The following AKT2 variants were observed in gnomAD, a reference collection of about 807,000 sequenced individuals.
AKT2 encodes the protein AKT serine/threonine kinase 2, also known as RAC-beta serine/threonine-protein kinase.
Under a neutral mutation model 58.6 loss-of-function variants are expected in AKT2, and 16 were observed. The ratio of observed to expected loss-of-function variants is 0.27; its 90% CI spans 0.18 to 0.41. The LOEUF (loss-of-function observed/expected upper bound fraction) is 0.41, where lower values mean the gene tolerates loss of function less well. AKT2 is among the 10% of genes least tolerant of loss of function. The pLI is 1.00. For synonymous variants in AKT2, 253 were observed against 254.0 expected, an observed-to-expected ratio of 1.00 and a Z score of 0.04; for missense variants, 438 against 661.0, an observed-to-expected ratio of 0.66 and a Z score of 3.70.
chr19:40,255,411 G>A, intron 3 of AKT2, 142 bp from the exon 4 acceptor site: 1 of 647,630 alleles, frequency 1.5e-6, no homozygotes, highest in East Asian at 2.7e-5. Context: ...GACAGCCCTG[G>A]TCCTGTTCTC....
At position 40,275,745 on chromosome 19, in the gene AKT2, T is replaced by C. The variant is rs1012685368; in HGVS notation, c.-85+9436A>G. 4.4e-5 allele frequency among the ~76,000 whole-genome samples: 4 copies of C among 90,650 alleles called. No individual in the cohort carries two copies. The East Asian group carries it at 1.3e-3, about 30-fold the overall frequency. The allele number at this position is 90,650 out of a possible 152,430, so 59.5% of individuals were successfully genotyped here. A position where few individuals can be genotyped will look rare whatever the true frequency, so the allele number is the denominator to read the frequency against. ...CGGGCACGATGACTCACGCCTGTAA[T>C]CCCAGCACTTTGGGAGGCTGGGGGG... On this transcript the variant is annotated intron_variant, in intron 1 of 13. Transcript: ENST00000392038.
chr19:40,239,254 T>C (rs1406347258), intron 7 of AKT2: 1 of 393,154 alleles, frequency 2.5e-6, no homozygotes, highest in Admixed American at 4.1e-5. Context: ...TGAGCAACCA[T>C]GGCTCTTGTT....
chr19:40,255,105 T>A, intron 4 of AKT2, 53 bp downstream of exon 4: 3 of 1,405,646 alleles, frequency 2.1e-6, no homozygotes, highest in Non-Finnish European at 2.0e-6. Flanking sequence ...CCTTTTCTCC[T>A]CACACCAGGC....
intron 1 of AKT2, among the ~76,000 whole-genome samples, chr19:40,273,251 G>T (rs2077248270): frequency 6.6e-6 from 1 of 151,428 alleles, no homozygotes; most frequent in Non-Finnish European, 1.5e-5. Context: ...TGAGGCAGGA[G>T]AATTGCTTGG....
At position 40,242,804 on chromosome 19, in the gene AKT2, A is replaced by C; in HGVS notation, c.288-117T>G. ...CAGGCAAGCAAATGACCACATAACC[A>C]TGGGAATTTGGGCAAGATCTGTCAG... On this transcript the variant is annotated intron_variant, in intron 4 of 13. Transcript: ENST00000392038. The surrounding 1 kb of genome is among the most constrained non-coding windows in gnomAD (Gnocchi z 4.3). 1 of 1,198,162 alleles carries C rather than the reference A, an allele frequency of 8.3e-7. No homozygotes were observed. Among genetic ancestry groups the C allele is most frequent in the Non-Finnish European group, 1.2e-6 (1 of 840,696 alleles). The allele number at this position is 1,198,162 out of a possible 1,614,324, so 74.2% of individuals were successfully genotyped here.
intron 4 of AKT2, among the ~76,000 whole-genome samples, chr19:40,246,748 A>G (rs1285135858): frequency 6.6e-6 from 1 of 152,230 alleles, no homozygotes; most frequent in Non-Finnish European, 1.5e-5. Context: ...CCACCAGCCC[A>G]GAAGCAGCTC....
At chr19:40,255,056 C>T in intron 4 of AKT2, 102 bp downstream of exon 4, 2 of 944,720 alleles carry the variant, frequency 2.1e-6, no homozygotes, top group African/African-American at 1.6e-5. Context: ...AGATAGGAAA[C>T]CCCTATGTAG....
At chr19:40,285,018 C>T in intron 1 of AKT2, 163 bp downstream of exon 1, 1 of 380,372 alleles carries the variant, frequency 2.6e-6, no homozygotes, top group East Asian at 3.8e-5. Context: ...AGGCTGGTCC[C>T]ACCGCCCCCG....
In AKT2 at chr19:40,242,127, A is replaced by C; in HGVS notation, c.442-58T>G. The C allele has an allele frequency of 6.2e-7, 1 of 1,609,744 alleles. No homozygotes were observed. The highest frequency in any genetic ancestry group is 8.5e-7 in the Non-Finnish European group (1 of 1,177,822). On this transcript the variant is annotated intron_variant, in intron 5 of 13. Transcript: ENST00000392038. This position sits in a 1 kb window ranked among gnomAD's most constrained non-coding sequence, Gnocchi z 4.3. ...CGCCTGGCTCATGGCCCGTGGGAGG[A>C]AATTTTAACAAAAGAAAGAGGAAAA... is the stretch of plus-strand genomic sequence containing the variant.
intron 1 of AKT2, among the ~76,000 whole-genome samples, chr19:40,273,214 A>G (rs2077247522): frequency 6.6e-6 from 1 of 151,892 alleles, no homozygotes. Flanking sequence ...GGTGGCAGGC[A>G]CCTGTAATTC....
At position 40,233,023 on chromosome 19, in the gene AKT2, G is replaced by C. The variant is rs961935748; in HGVS notation, c.*849C>G. 1.2e-5 allele frequency: 2 copies of C among 171,862 alleles called. No homozygotes were observed. Among genetic ancestry groups the C allele is most frequent in the South Asian group, 4.6e-4 (2 of 4,314 alleles). 10.6% of individuals were successfully genotyped at this position (171,862 alleles called of 1,614,324 possible). On this transcript the variant is annotated 3_prime_UTR_variant, in exon 14 of 14. Coordinates refer to ENST00000392038, the MANE Select transcript of AKT2 (RefSeq NM_001626.6). This position sits in a 1 kb window ranked among gnomAD's most constrained non-coding sequence, Gnocchi z 4.3. Reference sequence around the variant, plus strand: ...CCAAGGCTGGTGGCCCTCCACCCCCGCAGAGGAGAGGGTGAGCCCAGCCCA... The same window carrying C: ...CCAAGGCTGGTGGCCCTCCACCCCCCCAGAGGAGAGGGTGAGCCCAGCCCA...
chr19:40,255,410 G>T, intron 3 of AKT2, 141 bp from the exon 4 acceptor site: 1 of 649,172 alleles, frequency 1.5e-6, no homozygotes, highest in Non-Finnish European at 2.8e-6. Context: ...AGACAGCCCT[G>T]GTCCTGTTCT....
At position 40,282,587 on chromosome 19, in the gene AKT2, TAGAGGAC is replaced by T. The variant is rs527415681; in HGVS notation, c.-85+2587_-85+2593del. The stretch of plus-strand genomic sequence containing the variant: ...GACATAGGACAGTCACCTCTATAGG[TAGAGGAC>T]AGAGGACAGAGGTGACTCTATCCTA... On this transcript the variant is annotated intron_variant, in intron 1 of 13. Coordinates refer to ENST00000392038, the MANE Select transcript of AKT2 (RefSeq NM_001626.6). 168 of 530,432 alleles carry T rather than the reference TAGAGGAC, an allele frequency of 3.2e-4. 3 individuals are homozygous for T. In the East Asian group the frequency reaches 8.9e-3, roughly 28 times the overall value. The allele number at this position is 530,432 out of a possible 1,614,324, so 32.9% of individuals were successfully genotyped here.
rs776588439 is a variant in AKT2, at chr19:40,231,538, A to G, written c.*2334T>C. ...CTGCTTACATTCACTTAAAATCTCAAAGACTCAATGGGTGTGAAGTGCTAA... is the reference window on the plus strand; with the variant it reads ...CTGCTTACATTCACTTAAAATCTCAGAGACTCAATGGGTGTGAAGTGCTAA... On this transcript the variant is annotated 3_prime_UTR_variant, in exon 14 of 14. Coordinates refer to ENST00000392038, the MANE Select transcript of AKT2 (RefSeq NM_001626.6). The G allele has an allele frequency of 9.4e-5, 22 of 233,190 alleles. No homozygotes were observed. The highest frequency in any genetic ancestry group is 7.6e-5 in the Non-Finnish European group (9 of 118,048). The allele number at this position is 233,190 out of a possible 1,614,324, so 14.4% of individuals were successfully genotyped here. A position where few individuals can be genotyped will look rare whatever the true frequency, so the allele number is the denominator to read the frequency against.
chr19:40,259,778 T>C (rs533047281), intron 2 of AKT2, among the ~76,000 whole-genome samples: 139 of 152,340 alleles, frequency 9.1e-4, no homozygotes, highest in African/African-American at 3.2e-3. Flanking sequence ...CAAAGAGATA[T>C]TCCTCCAAAG....
chr19:40,273,439 T>A (rs1051015970), intron 1 of AKT2: 2 of 151,366 alleles, frequency 1.3e-5, no homozygotes, highest in African/African-American at 4.9e-5. Flanking sequence ...TTTTTACCTA[T>A]TCTACCTCCT....
In AKT2 at chr19:40,233,691, T is replaced by G; in HGVS notation, c.*181A>C. 1.4e-6 allele frequency: 1 copy of G among 707,934 alleles called. No individual in the cohort carries two copies. The highest frequency in any genetic ancestry group is 2.5e-6 in the Non-Finnish European group (1 of 401,678). 43.9% of individuals were successfully genotyped at this position (707,934 alleles called of 1,614,324 possible). ...TGGGCACAAAGGTGAGGCTGGAGGC[T>G]GGAGGCAGGGGCTGCAGGGGCCGCT... On this transcript the variant is annotated 3_prime_UTR_variant, in exon 14 of 14. Coordinates refer to ENST00000392038, the MANE Select transcript of AKT2 (RefSeq NM_001626.6). The surrounding 1 kb of genome is among the most constrained non-coding windows in gnomAD (Gnocchi z 4.3).
At chr19:40,239,402 G>A in intron 7 of AKT2, 1 of 258,050 alleles carries the variant, frequency 3.9e-6, no homozygotes, top group Non-Finnish European at 7.6e-6. Flanking sequence ...ACTGCACTAA[G>A]GAGATCTACA....
At chr19:40,258,656 TAA>T (rs775016321) in intron 2 of AKT2, among the ~76,000 whole-genome samples, 48 of 108,246 alleles carry the variant, frequency 4.4e-4, no homozygotes, top group Non-Finnish European at 4.1e-4. Context: ...CCCTAGCTCT[TAA>T]AAAAAAAAAA....
Sources: gnomAD v4.1 joint callset for allele counts (sites outside exome capture counted in the v4.1 genomes callset) on GRCh38, gnomAD v4.1.1 for gene constraint, Gnocchi (gnomAD v3.1) non-coding constraint, MANE v1.5 for transcripts, NCBI Gene and HGNC (gene_info 2026-07-23, HGNC 2026-07-21) for gene names.